The following LCLAT1 variants were observed in gnomAD, a reference collection of about 807,000 sequenced individuals.
LCLAT1 encodes 1-AGP acyltransferase 8.
A neutral mutation model predicts 30.7 loss-of-function variants in LCLAT1; 11 were observed. The observed-to-expected ratio is 0.36, with a 90% CI of 0.23 to 0.59. The LOEUF is 0.59. Among genes scored for constraint, LCLAT1 ranks in the 20% least tolerant of loss-of-function variants. LCLAT1 has a pLI of 0.77. For synonymous variants in LCLAT1, 155 were observed against 151.3 expected, an observed-to-expected ratio of 1.02 and a Z score of -0.18; for missense variants, 402 against 458.6, an observed-to-expected ratio of 0.88 and a Z score of 1.13.
intron 3 of LCLAT1, among the ~76,000 whole-genome samples, chr2:30,550,535 T>C (rs995781152): frequency 2.6e-5 from 4 of 152,228 alleles, no homozygotes; most frequent in African/African-American, 9.6e-5. Flanking sequence ...TGATGTTTTC[T>C]TGTGATTAGA....
At position 30,643,584 on chromosome 2, in the gene LCLAT1, G is replaced by A. The variant is rs1669425598; in HGVS notation, c.*2965G>A. The A allele has an allele frequency of 6.6e-6, 1 of 152,512 alleles. No homozygotes were observed. Among genetic ancestry groups the A allele is most frequent in the Non-Finnish European group, 1.5e-5 (1 of 68,028 alleles). The allele number at this position is 152,512 out of a possible 1,614,324, so 9.4% of individuals were successfully genotyped here. On this transcript the variant is annotated 3_prime_UTR_variant, in exon 6 of 6. Coordinates refer to ENST00000379509, the MANE Select transcript of LCLAT1 (RefSeq NM_001002257.3). Reference sequence around the variant, plus strand: ...TAGTTAATTCAACAGCACCATGTTAGAAATATATTGGCAGCCAAGACTCTG... The same window carrying A: ...TAGTTAATTCAACAGCACCATGTTAAAAATATATTGGCAGCCAAGACTCTG...
chr2:30,637,090 G>A (rs534451004), intron 5 of LCLAT1, among the ~76,000 whole-genome samples: 15 of 152,174 alleles, frequency 9.9e-5, no homozygotes, highest in Non-Finnish European at 8.8e-5. Flanking sequence ...TAATTGGCAT[G>A]ACAAGTTACA....
chr2:30,501,015 G>A (rs1249437651), intron 1 of LCLAT1, among the ~76,000 whole-genome samples: 1 of 151,858 alleles, frequency 6.6e-6, no homozygotes, highest in East Asian at 1.9e-4. Flanking sequence ...ACCACCTGCT[G>A]CCTGTTGACC....
chr2:30,462,327 A>G (rs1006997434), intron 1 of LCLAT1, among the ~76,000 whole-genome samples: 1 of 152,228 alleles, frequency 6.6e-6, no homozygotes, highest in African/African-American at 2.4e-5. Flanking sequence ...AAGTTAGAGT[A>G]TATGAAAAGA....
At chr2:30,616,468 C>A (rs975335522) in intron 5 of LCLAT1, among the ~76,000 whole-genome samples, 5 of 152,064 alleles carry the variant, frequency 3.3e-5, no homozygotes, top group Non-Finnish European at 5.9e-5. Flanking sequence ...TAAATTAGAG[C>A]TATATGCTTC....
chr2:30,508,144 CT>C (rs1246295781), intron 1 of LCLAT1, among the ~76,000 whole-genome samples: 1 of 151,394 alleles, frequency 6.6e-6, no homozygotes, highest in African/African-American at 2.4e-5. Context: ...GGGTTTTTCT[CT>C]TGTAAGTTTA....
chr2:30,450,434 C>G (rs555560568), intron 1 of LCLAT1, among the ~76,000 whole-genome samples: 1 of 151,240 alleles, frequency 6.6e-6, no homozygotes, highest in African/African-American at 2.4e-5. Flanking sequence ...CTCCTGCGGG[C>G]AGTGGGAACT....
At chr2:30,558,105 G>A (rs1468429635) in intron 3 of LCLAT1, among the ~76,000 whole-genome samples, 1 of 152,002 alleles carries the variant, frequency 6.6e-6, no homozygotes, top group Non-Finnish European at 1.5e-5. Flanking sequence ...TTCCTTAAGC[G>A]GGACACAGAA....
intron 5 of LCLAT1, among the ~76,000 whole-genome samples, chr2:30,613,038 T>G (rs923849136): frequency 1.3e-5 from 2 of 151,958 alleles, no homozygotes; most frequent in South Asian, 4.2e-4. Context: ...AAAGAGGAAT[T>G]TGGGGGAAGA....
chr2:30,556,035 C>A (rs997489184), intron 3 of LCLAT1, among the ~76,000 whole-genome samples: 1 of 151,850 alleles, frequency 6.6e-6, no homozygotes, highest in Non-Finnish European at 1.5e-5. Flanking sequence ...ACCTTGTGAT[C>A]CGCCCACCTC....
intron 5 of LCLAT1, among the ~76,000 whole-genome samples, chr2:30,581,545 G>C (rs950004284): frequency 6.6e-6 from 1 of 152,192 alleles, no homozygotes; most frequent in Admixed American, 6.5e-5. Context: ...AAAATTTGGT[G>C]TGTAAGTATA....
At chr2:30,490,643 T>C (rs1397159736) in intron 1 of LCLAT1, among the ~76,000 whole-genome samples, 1 of 152,260 alleles carries the variant, frequency 6.6e-6, no homozygotes, top group Non-Finnish European at 1.5e-5. Flanking sequence ...CTAGGCACTT[T>C]AAATGCTTCA....
intron 3 of LCLAT1, among the ~76,000 whole-genome samples, chr2:30,551,829 A>C (rs558267522): frequency 6.6e-6 from 1 of 152,296 alleles, no homozygotes; most frequent in African/African-American, 2.4e-5. Flanking sequence ...ACTTAAAAAA[A>C]ATTTATTTTT....
intron 1 of LCLAT1, among the ~76,000 whole-genome samples, chr2:30,481,716 G>A (rs569347290): frequency 2.0e-5 from 3 of 152,306 alleles, no homozygotes; most frequent in Admixed American, 1.3e-4. Context: ...ACTGAAGAGG[G>A]AAGTTGATTG....
At chr2:30,453,975 C>G (rs1013754079) in intron 1 of LCLAT1, among the ~76,000 whole-genome samples, 4 of 152,226 alleles carry the variant, frequency 2.6e-5, no homozygotes, top group African/African-American at 9.6e-5. Context: ...TGGATTTGAA[C>G]CTACGCAGTC....
At chr2:30,575,098 C>G (rs567774186) in intron 5 of LCLAT1, among the ~76,000 whole-genome samples, 1 of 152,240 alleles carries the variant, frequency 6.6e-6, no homozygotes, top group African/African-American at 2.4e-5. Context: ...CCAAACTGTT[C>G]CCATTCATCT....
At chr2:30,635,524 A>AT (rs1210400798) in intron 5 of LCLAT1, among the ~76,000 whole-genome samples, 1 of 152,154 alleles carries the variant, frequency 6.6e-6, no homozygotes, top group Non-Finnish European at 1.5e-5. Flanking sequence ...TATAGATGAC[A>AT]TTTTAATTAA....
At chr2:30,635,161 A>G (rs1331798613) in intron 5 of LCLAT1, among the ~76,000 whole-genome samples, 1 of 152,112 alleles carries the variant, frequency 6.6e-6, no homozygotes, top group African/African-American at 2.4e-5. Context: ...GGACTTTGGG[A>G]GAATGAAGTG....
At position 30,536,458 on chromosome 2, in the gene LCLAT1, A is replaced by G. The variant is rs561135400; in HGVS notation, c.364+3144A>G. ...GCAGATTTCTTAGCAGAAACTTTAC[A>G]GGCCAGGAGAGAATGGGATGATATA... On this transcript the variant is annotated intron_variant, in intron 3 of 5. Transcript: ENST00000379509. Among the ~76,000 whole-genome samples the G allele has an allele frequency of 3.3e-5, 5 of 152,352 alleles. No homozygotes were observed. In the South Asian group the frequency reaches 1.0e-3, roughly 32 times the overall value.
Sources: allele counts gnomAD v4.1 joint callset (sites outside exome capture counted in the v4.1 genomes callset), GRCh38; gene constraint gnomAD v4.1.1; transcripts MANE v1.5; gene names NCBI Gene and HGNC (gene_info 2026-07-23, HGNC 2026-07-21).